Variants in NLGN1 observed in about 807,000 individuals in gnomAD.
NLGN1 encodes the protein neuroligin-1.
A neutral mutation model predicts 65.5 loss-of-function variants in NLGN1; 12 were observed. That is an observed-to-expected ratio of 0.18 (90% CI 0.12 to 0.30). NLGN1 has a LOEUF of 0.30. NLGN1 is among the 10% of genes least tolerant of loss of function. The pLI is 1.00. For missense variants in NLGN1, 750 were observed against 1,007.1 expected, an observed-to-expected ratio of 0.74 and a Z score of 3.46; for synonymous variants, 350 against 359.5, an observed-to-expected ratio of 0.97 and a Z score of 0.30.
chr3:173,951,263 G>A (rs1394717506), intron 4 of NLGN1, among the ~76,000 whole-genome samples: 1 of 152,046 alleles, frequency 6.6e-6, no homozygotes, highest in Non-Finnish European at 1.5e-5. Context: ...AAATTATTTG[G>A]TAGTCTTTCA....
intron 4 of NLGN1, among the ~76,000 whole-genome samples, chr3:174,067,660 T>G (rs1738928274): frequency 6.6e-6 from 1 of 152,104 alleles, no homozygotes; most frequent in Non-Finnish European, 1.5e-5. Flanking sequence ...TCGGACAAAG[T>G]TTTCACAAAT....
intron 3 of NLGN1, chr3:173,644,095 T>A (rs544589339): frequency 1.2e-4 from 19 of 152,294 alleles, no homozygotes; most frequent in African/African-American, 4.6e-4. Context: ...ATTCTGATGT[T>A]TGTTCTGAGC....
intron 4 of NLGN1, among the ~76,000 whole-genome samples, chr3:174,166,793 C>T (rs1727570748): frequency 6.6e-6 from 1 of 152,038 alleles, no homozygotes. Flanking sequence ...TGAAGTTCCC[C>T]ACTACTGTTG....
intron 4 of NLGN1, among the ~76,000 whole-genome samples, chr3:173,881,696 G>A (rs931727213): frequency 1.3e-5 from 2 of 152,038 alleles, no homozygotes; most frequent in Non-Finnish European, 2.9e-5. Context: ...AAAGTGCCAG[G>A]CTCCACTTCT....
chr3:174,268,606 A>G (rs1174433240), intron 4 of NLGN1, among the ~76,000 whole-genome samples: 5 of 152,128 alleles, frequency 3.3e-5, no homozygotes, highest in Non-Finnish European at 7.4e-5. Flanking sequence ...ATTTGGGGGA[A>G]AGAGTTACAA....
intron 2 of NLGN1, among the ~76,000 whole-genome samples, chr3:173,462,217 C>T (rs957784807): frequency 2.0e-5 from 3 of 152,098 alleles, no homozygotes; most frequent in African/African-American, 7.2e-5. Flanking sequence ...AGTCCATTGG[C>T]CCCATTTTGA....
chr3:174,141,752 T>A (rs1460187660), intron 4 of NLGN1, among the ~76,000 whole-genome samples: 2 of 152,120 alleles, frequency 1.3e-5, no homozygotes, highest in African/African-American at 2.4e-5. Context: ...TGGGGAGAGA[T>A]GAACAATAAA....
chr3:173,495,362 C>A (rs184980195), intron 2 of NLGN1, among the ~76,000 whole-genome samples: 23 of 151,502 alleles, frequency 1.5e-4, no homozygotes, highest in Admixed American at 1.4e-3. Flanking sequence ...TAAAATTACT[C>A]GTTTATTCTA....
intron 1 of NLGN1, among the ~76,000 whole-genome samples, chr3:173,417,422 CA>C (rs1327422386): frequency 1.3e-5 from 2 of 151,746 alleles, no homozygotes; most frequent in Non-Finnish European, 2.9e-5. Context: ...AATCTATTTA[CA>C]AAAAATAGTG....
chr3:173,743,810 A>G (rs1232962960), intron 3 of NLGN1, among the ~76,000 whole-genome samples: 5 of 152,090 alleles, frequency 3.3e-5, no homozygotes, highest in African/African-American at 1.2e-4. Context: ...TTCAGTCCAT[A>G]TAATTGCTTT....
intron 4 of NLGN1, among the ~76,000 whole-genome samples, chr3:173,951,754 C>T (rs1017047407): frequency 6.6e-6 from 1 of 152,146 alleles, no homozygotes; most frequent in African/African-American, 2.4e-5. Flanking sequence ...AGCCACTGCG[C>T]CAGGCCGAGA....
At chr3:173,541,727 T>C (rs1199466400) in intron 2 of NLGN1, among the ~76,000 whole-genome samples, 1 of 152,168 alleles carries the variant, frequency 6.6e-6, no homozygotes, top group Non-Finnish European at 1.5e-5. Context: ...ATTTTTGTAG[T>C]GCATTACTTC....
At chr3:173,704,192 G>T (rs1010277605) in intron 3 of NLGN1, among the ~76,000 whole-genome samples, 4 of 152,190 alleles carry the variant, frequency 2.6e-5, no homozygotes, top group Non-Finnish European at 5.9e-5. Flanking sequence ...AGACAAAGTT[G>T]TTATAAGTGT....
At chr3:173,754,024 CTTT>C (rs71162358) in intron 3 of NLGN1, among the ~76,000 whole-genome samples, 2 of 121,616 alleles carry the variant, frequency 1.6e-5, no homozygotes, top group South Asian at 2.6e-4. Flanking sequence ...TCTTTCTTTT[CTTT>C]TTTTTTTTTT....
chr3:173,750,461 T>C (rs1383753930), intron 3 of NLGN1, among the ~76,000 whole-genome samples: 1 of 152,104 alleles, frequency 6.6e-6, no homozygotes, highest in Non-Finnish European at 1.5e-5. Flanking sequence ...AAAACTCATT[T>C]CCTTTGCATT....
At chr3:174,236,621 T>A (rs1741767922) in intron 4 of NLGN1, among the ~76,000 whole-genome samples, 1 of 152,134 alleles carries the variant, frequency 6.6e-6, no homozygotes, top group Non-Finnish European at 1.5e-5. Context: ...GAGTCTGTGT[T>A]TACTTGTGAA....
rs75959535 is a variant in NLGN1 at position 173,417,252 on chromosome 3, G to A, written c.-389-17758G>A. Among the ~76,000 whole-genome samples the A allele has an allele frequency of 6.6e-4, 101 of 151,934 alleles. No homozygotes were observed. In the East Asian group the frequency reaches 0.014, roughly 22 times the overall value. ...ATACTATAGAAGTTCAAGAGAGTTC[G>A]TAGAAGTAGAAATGAATTAAACATA... On this transcript the variant is annotated intron_variant, in intron 1 of 6. Coordinates refer to ENST00000457714, the Ensembl canonical transcript of NLGN1.
intron 4 of NLGN1, among the ~76,000 whole-genome samples, chr3:173,976,856 C>T (rs889124966): frequency 2.6e-4 from 40 of 152,000 alleles, no homozygotes; most frequent in African/African-American, 4.8e-5. Context: ...TAGCCTCTTG[C>T]CAATTTACTC....
intron 2 of NLGN1, among the ~76,000 whole-genome samples, chr3:173,448,987 A>G (rs1438488697): frequency 6.6e-6 from 1 of 151,824 alleles, no homozygotes; most frequent in Non-Finnish European, 1.5e-5. Flanking sequence ...CGGTCTATCA[A>G]TTTTGTTGAT....
Sources: gnomAD v4.1 joint callset for allele counts (sites outside exome capture counted in the v4.1 genomes callset) on GRCh38, gnomAD v4.1.1 for gene constraint, MANE v1.5 for transcripts, NCBI Gene and HGNC (gene_info 2026-07-23, HGNC 2026-07-21) for gene names.